The following ATF7IP variants were observed in gnomAD, a reference collection of about 807,000 sequenced individuals.
ATF7IP encodes activating transcription factor 7 interacting protein, also known as activating transcription factor 7-interacting protein 1.
A neutral mutation model predicts 106.4 loss-of-function variants in ATF7IP; 23 were observed. That is an observed-to-expected ratio of 0.22 (90% CI 0.16 to 0.31). ATF7IP has a LOEUF of 0.31. Ranked by LOEUF, ATF7IP falls within the 10% of genes least tolerant of loss-of-function variation. The probability of loss-of-function intolerance (pLI) is 1.00; values close to 1 mark genes in which losing one functional copy is unlikely to be tolerated. For missense variants in ATF7IP, 1,334 were observed against 1,524.3 expected, an observed-to-expected ratio of 0.88 and a Z score of 2.08; for synonymous variants, 542 against 539.0, an observed-to-expected ratio of 1.01 and a Z score of -0.08.
intron 1 of ATF7IP, among the ~76,000 whole-genome samples, chr12:14,371,490 A>G (rs1175170480): frequency 6.6e-6 from 1 of 152,052 alleles, no homozygotes; most frequent in Non-Finnish European, 1.5e-5. Context: ...TTATTATTAT[A>G]CTTGGTTTCT....
chr12:14,462,968 C>T (rs1943698714), intron 9 of ATF7IP, among the ~76,000 whole-genome samples: 1 of 151,786 alleles, frequency 6.6e-6, no homozygotes, highest in African/African-American at 2.4e-5. Flanking sequence ...ATAATGCTAA[C>T]TAAAATGAGA....
intron 7 of ATF7IP, among the ~76,000 whole-genome samples, 194 bp downstream of exon 7, chr12:14,456,828 A>C (rs1943446318): frequency 6.6e-6 from 1 of 152,176 alleles, no homozygotes; most frequent in Non-Finnish European, 1.5e-5. Flanking sequence ...ACTTATTATA[A>C]GGCATTCTTT....
rs577626961 is a variant in ATF7IP at position 14,460,525 on chromosome 12, C to G, written c.2189C>G (p.Ala730Gly). Residue 730 changes from alanine (A) to glycine (G), a missense_variant, in exon 9 of 15, where the codon GCA becomes GGA. Transcript: ENST00000261168. The part of the protein sequence containing the change: ...VSSTNLVTPP[A>G]VVSSQPKLQT... ...TCAACCAATCTTGTCACTCCTCCAG[C>G]AGTTGTCAGTAGTCAACCTAAATTG... The G allele has an allele frequency of 6.2e-7, 1 of 1,614,072 alleles. No homozygotes were observed. Among genetic ancestry groups the G allele is most frequent in the South Asian group, 1.1e-5 (1 of 91,062 alleles).
chr12:14,471,652 A>C (rs1944050306), intron 10 of ATF7IP, among the ~76,000 whole-genome samples: 1 of 152,118 alleles, frequency 6.6e-6, no homozygotes, highest in Non-Finnish European at 1.5e-5. Context: ...GTCCTTCTTC[A>C]CATAAGGGCA....
chr12:14,409,486 C>T (rs866376057), intron 1 of ATF7IP, among the ~76,000 whole-genome samples: 22 of 152,100 alleles, frequency 1.4e-4, no homozygotes, highest in African/African-American at 4.8e-4. Flanking sequence ...TTTCCATATG[C>T]GGAAGACTTT....
At chr12:14,434,255 G>T in intron 2 of ATF7IP, 82 bp from the exon 3 acceptor site, 1 of 883,908 alleles carries the variant, frequency 1.1e-6, no homozygotes, top group South Asian at 1.6e-5. Flanking sequence ...TTTTGTAACT[G>T]GATAGTGACT....
At chr12:14,439,345 A>C (rs1456519802) in intron 5 of ATF7IP, among the ~76,000 whole-genome samples, 2 of 152,212 alleles carry the variant, frequency 1.3e-5, no homozygotes, top group Non-Finnish European at 2.9e-5. Context: ...GTTACGAATA[A>C]AATTTTAGCT....
chr12:14,455,866 G>T (rs1484568605), intron 6 of ATF7IP, among the ~76,000 whole-genome samples: 2 of 152,150 alleles, frequency 1.3e-5, no homozygotes, highest in East Asian at 3.9e-4. Context: ...TAGTATTACG[G>T]GTGTGAGCCA....
At chr12:14,422,747 G>A (rs1941602592) in intron 1 of ATF7IP, among the ~76,000 whole-genome samples, 1 of 152,174 alleles carries the variant, frequency 6.6e-6, no homozygotes, top group Non-Finnish European at 1.5e-5. Context: ...CTTTGTGGTT[G>A]AATGATATTC....
At chr12:14,381,382 C>T (rs1162375740) in intron 1 of ATF7IP, among the ~76,000 whole-genome samples, 1 of 152,056 alleles carries the variant, frequency 6.6e-6, no homozygotes, top group Non-Finnish European at 1.5e-5. Context: ...ACAGGTGCGC[C>T]ACCATGCCTG....
At chr12:14,464,713 CT>C (rs1362036623) in intron 9 of ATF7IP, among the ~76,000 whole-genome samples, 1 of 152,098 alleles carries the variant, frequency 6.6e-6, no homozygotes, top group Non-Finnish European at 1.5e-5. Context: ...GGGAAAAAAT[CT>C]GTAATAACGG....
intron 8 of ATF7IP, among the ~76,000 whole-genome samples, chr12:14,458,151 A>G (rs1025677640): frequency 6.6e-6 from 1 of 152,060 alleles, no homozygotes; most frequent in Non-Finnish European, 1.5e-5. Context: ...TAGTAAACTC[A>G]TAATGTCTAA....
At chr12:14,473,849 C>T (rs970790085) in intron 10 of ATF7IP, among the ~76,000 whole-genome samples, 6 of 151,374 alleles carry the variant, frequency 4.0e-5, no homozygotes. Context: ...TATGTTGTTC[C>T]AGTGTCTTCT....
At chr12:14,446,155 G>T (rs890623037) in intron 5 of ATF7IP, among the ~76,000 whole-genome samples, 11 of 146,340 alleles carry the variant, frequency 7.5e-5, no homozygotes, top group African/African-American at 1.5e-4. Context: ...TTTGTTTTTT[G>T]TTTTTTTTTT....
intron 2 of ATF7IP, among the ~76,000 whole-genome samples, chr12:14,428,317 T>A (rs1941964104): frequency 6.6e-6 from 1 of 152,226 alleles, no homozygotes; most frequent in African/African-American, 2.4e-5. Context: ...GTTGGGAATA[T>A]TTTTGGTTAC....
chr12:14,486,177 C>A (rs909782107), intron 13 of ATF7IP, among the ~76,000 whole-genome samples: 15 of 152,108 alleles, frequency 9.9e-5, no homozygotes, highest in Non-Finnish European at 2.2e-4. Context: ...ATCCACTGGA[C>A]CCACTGTAAG....
intron 13 of ATF7IP, 34 bp from the exon 14 acceptor site, chr12:14,496,197 C>A (rs764738632): frequency 1.5e-5 from 20 of 1,303,136 alleles, no homozygotes; most frequent in African/African-American, 5.8e-5. Flanking sequence ...ATAGAATTAT[C>A]ATTTTATCCT....
intron 13 of ATF7IP, among the ~76,000 whole-genome samples, chr12:14,493,965 TC>T (rs1944913085): frequency 6.6e-6 from 1 of 151,974 alleles, no homozygotes; most frequent in African/African-American, 2.4e-5. Context: ...TTCATTATGT[TC>T]CTTGGTTCTC....
chr12:14,490,589 C>G (rs1396394257), intron 13 of ATF7IP, among the ~76,000 whole-genome samples: 1 of 152,162 alleles, frequency 6.6e-6, no homozygotes, highest in East Asian at 1.9e-4. Flanking sequence ...AGTGCTGCAG[C>G]TGTGTACTTG....
Sources: gnomAD v4.1 joint callset for allele counts (sites outside exome capture counted in the v4.1 genomes callset) on GRCh38, gnomAD v4.1.1 for gene constraint, MANE v1.5 for transcripts, NCBI Gene and HGNC (gene_info 2026-07-23, HGNC 2026-07-21) for gene names.